Variants in ITPRIP observed in about 807,000 individuals in gnomAD.
The protein encoded by ITPRIP is inositol 1,4,5-trisphosphate receptor interacting protein.
A neutral mutation model predicts 35.8 loss-of-function variants in ITPRIP; 32 were observed. The ratio of observed to expected loss-of-function variants is 0.89; its 90% CI spans 0.68 to 1.20. The LOEUF is 1.20. Ranked by LOEUF, ITPRIP falls within the 50% of genes most tolerant of loss-of-function variation. The pLI is 0.00. For synonymous variants in ITPRIP, 358 were observed against 324.0 expected (o/e 1.11, Z -1.13); for missense variants, 653 against 735.6 (o/e 0.89, Z 1.30).
At chr10:104,329,137 G>T (rs937824772) in intron 1 of ITPRIP, among the ~76,000 whole-genome samples, 1 of 151,908 alleles carries the variant, frequency 6.6e-6, no homozygotes, top group Non-Finnish European at 1.5e-5. Context: ...CAATAAAGGG[G>T]AACAGTAACA....
intron 1 of ITPRIP, chr10:104,329,043 G>GCACA (rs66606338): frequency 0.052 from 7,788 of 149,040 alleles, 642 homozygotes; most frequent in African/African-American, 0.18. Context: ...CTGCACGCAT[G>GCACA]CACACACACA....
chr10:104,318,555 G>A lies in ITPRIP; in HGVS notation c.-13-2491C>T, dbSNP rs57987881. Among the ~76,000 whole-genome samples the A allele has an allele frequency of 1.4e-3, 215 of 152,308 alleles. 2 individuals carry two copies. The highest frequency in any genetic ancestry group is 4.9e-3 in the African/African-American group (204 of 41,578). On this transcript the variant is annotated intron_variant, in intron 1 of 1. Transcript: ENST00000337478. ...GGCTGGGAACCATCCCTGTGTCTAC[G>A]CCACACTTCATGGTGCTACTTGCTA...
intron 1 of ITPRIP, among the ~76,000 whole-genome samples, chr10:104,324,726 T>G (rs947991580): frequency 1.3e-5 from 2 of 152,076 alleles, no homozygotes; most frequent in Admixed American, 1.3e-4. Flanking sequence ...GGGGCTGCAG[T>G]GGACAGCTGA....
chr10:104,315,086 G>A lies in ITPRIP; in HGVS notation c.966C>T (p.Asp322=), dbSNP rs773326988. ...WKGIAHKYEF[D]LAFGQLDSPG... is the part of the protein sequence containing the mutation. ...GGCTGTCCAGCTGGCCAAAGGCCAG[G>A]TCGAACTCGTACTTGTGGGCGATGC... Residue 322 remains aspartate (D), a synonymous_variant, in exon 2 of 2, where the codon GAC becomes GAT. Transcript: ENST00000337478. The surrounding 1 kb of genome is among the most constrained non-coding windows in gnomAD (Gnocchi z 5.7). The A allele has an allele frequency of 1.9e-6, 3 of 1,614,196 alleles. No individual in the cohort carries two copies. Among genetic ancestry groups the A allele is most frequent in the Admixed American group, 3.3e-5 (2 of 60,032 alleles).
At chr10:104,318,114 A>G (rs888835085) in intron 1 of ITPRIP, among the ~76,000 whole-genome samples, 2 of 152,206 alleles carry the variant, frequency 1.3e-5, no homozygotes, top group Non-Finnish European at 2.9e-5. Flanking sequence ...GGGTGGGGTA[A>G]GGAAAAAGTG....
rs999480604 is a variant in ITPRIP at position 104,320,972 on chromosome 10, A to G, written c.-13-4908T>C. On this transcript the variant is annotated intron_variant, in intron 1 of 1. Transcript: ENST00000337478. ...GAATAAATCCCTTCAAATATTGTATAGAGTTGACTTGTCCACAAAAGGGAA... is the reference window on the plus strand; with the variant it reads ...GAATAAATCCCTTCAAATATTGTATGGAGTTGACTTGTCCACAAAAGGGAA... Among the ~76,000 whole-genome samples, 11 of 152,346 alleles carry G rather than the reference A, an allele frequency of 7.2e-5. 1 individual carries two copies. Among genetic ancestry groups the G allele is most frequent in the African/African-American group, 2.4e-4 (10 of 41,572 alleles).
intron 1 of ITPRIP, among the ~76,000 whole-genome samples, chr10:104,322,562 ATGTCTGAGAAC>A (rs1252043011): frequency 1.3e-5 from 2 of 152,178 alleles, no homozygotes; most frequent in East Asian, 3.9e-4. Context: ...ATGCCCGCTT[ATGTCTGAGAAC>A]CATCCCTTCC....
rs2135205839 is a variant in ITPRIP at position 104,328,194 on chromosome 10, G to A, written c.-14+10052C>T. 2.0e-6 allele frequency: 2 copies of A among 983,332 alleles called. No individual in the cohort carries two copies. Among genetic ancestry groups the A allele is most frequent in the African/African-American group, 1.7e-5 (1 of 57,288 alleles). 60.9% of individuals were successfully genotyped at this position (983,332 alleles called of 1,614,324 possible). On this transcript the variant is annotated intron_variant, in intron 1 of 1. Transcript: ENST00000337478. This position sits in a 1 kb window ranked among gnomAD's most constrained non-coding sequence, Gnocchi z 4.1. The stretch of plus-strand genomic sequence containing the variant: ...CTCAGCCTCCAGGATTCCCATCTCC[G>A]GTTTCTATGCGTGAATCACAGTGAC...
In ITPRIP at chr10:104,333,790, C is replaced by G. The variant is rs2014194217; in HGVS notation, c.-14+4456G>C. 1 of 152,314 alleles carries G rather than the reference C, an allele frequency of 6.6e-6. No individual in the cohort carries two copies. Among genetic ancestry groups the G allele is most frequent in the Non-Finnish European group, 1.5e-5 (1 of 68,126 alleles). 9.4% of individuals were successfully genotyped at this position (152,314 alleles called of 1,614,324 possible). A position where few individuals can be genotyped will look rare whatever the true frequency, so the allele number is the denominator to read the frequency against. Reference sequence around the variant, plus strand: ...TCTAGGACAGTCTAGGTCCCTACAGCCTTGTCCTTTGTCCAGACCTCAGAG... The same window carrying G: ...TCTAGGACAGTCTAGGTCCCTACAGGCTTGTCCTTTGTCCAGACCTCAGAG... On this transcript the variant is annotated intron_variant, in intron 1 of 1. Transcript: ENST00000337478. This position sits in a 1 kb window ranked among gnomAD's most constrained non-coding sequence, Gnocchi z 4.1.
intron 1 of ITPRIP, among the ~76,000 whole-genome samples, chr10:104,330,049 T>G (rs1192513888): frequency 6.6e-6 from 1 of 152,122 alleles, no homozygotes; most frequent in African/African-American, 2.4e-5. Flanking sequence ...GAGGAGGAAG[T>G]TTGGAGACCT....
At position 104,314,721 on chromosome 10, in the gene ITPRIP, C is replaced by G. The variant is rs563441618; in HGVS notation, c.1331G>C (p.Arg444Pro). The G allele has an allele frequency of 1.9e-6, 3 of 1,613,730 alleles. No homozygotes were observed. The highest frequency in any genetic ancestry group is 1.3e-5 in the African/African-American group (1 of 75,040). The change falls in exon 2 of 2, where the codon CGG becomes CCG. Residue 444 changes from arginine to proline, a missense_variant. Transcript: ENST00000337478. ...CCCCGCCTTCCAGTCGGCGGCCTGC[C>G]GGAGGAGTAGGAGGTGCAGTAGGGC... The part of the protein sequence containing the change: ...KTALLHLLLL[R>P]QAADWKAGQL...
chr10:104,315,174 A>C lies in ITPRIP; in HGVS notation c.878T>G (p.Leu293Arg). The C allele has an allele frequency of 6.2e-7, 1 of 1,614,132 alleles. No homozygotes were observed. The highest frequency in any genetic ancestry group is 8.5e-7 in the Non-Finnish European group (1 of 1,179,996). The change falls in exon 2 of 2, where the codon CTG becomes CGG. Residue 293 changes from leucine (L) to arginine (R), a missense_variant. Leu to Arg is a moderately radical substitution (Grantham distance 102). Coordinates refer to ENST00000337478, the MANE Select transcript of ITPRIP (RefSeq NM_001272013.2). This position sits in a 1 kb window ranked among gnomAD's most constrained non-coding sequence, Gnocchi z 5.7. ...MENLLCATDS[L>R]YLDTMQVMKW... is the part of the protein sequence containing the mutation. ...CATGACCTGCATCGTGTCCAGGTAC[A>C]GGGAATCTGTGGCACACAGCAGGTT...
chr10:104,323,421 G>A (rs2013906637), intron 1 of ITPRIP: 1 of 152,398 alleles, frequency 6.6e-6, no homozygotes, highest in African/African-American at 2.4e-5. Flanking sequence ...GGCTGAATGT[G>A]AGCAGCACCT....
chr10:104,321,703 C>CTT (rs111255254), intron 1 of ITPRIP, among the ~76,000 whole-genome samples: 8 of 137,356 alleles, frequency 5.8e-5, no homozygotes, highest in South Asian at 2.4e-4. Flanking sequence ...CTTTTCTTTT[C>CTT]TTTTTTTTTT....
intron 1 of ITPRIP, among the ~76,000 whole-genome samples, chr10:104,329,297 T>C (rs1224189201): frequency 6.6e-6 from 1 of 151,886 alleles, no homozygotes; most frequent in Non-Finnish European, 1.5e-5. Flanking sequence ...CCAGTCCTCC[T>C]CCTCTCTGGA....
Position 104,316,093 on chromosome 10 carries a change from C to G in ITPRIP, c.-13-29G>C, listed in dbSNP as rs764006479. The G allele has an allele frequency of 2.0e-6, 3 of 1,507,190 alleles. No individual in the cohort carries two copies. The Admixed American group carries it at 6.3e-5, about 32-fold the overall frequency. The allele number at this position is 1,507,190 out of a possible 1,614,324, so 93.4% of individuals were successfully genotyped here. A position where few individuals can be genotyped will look rare whatever the true frequency, so the allele number is the denominator to read the frequency against. On this transcript the variant is annotated intron_variant, in intron 1 of 1. Coordinates refer to ENST00000337478, the MANE Select transcript of ITPRIP (RefSeq NM_001272013.2). Reference sequence around the variant, plus strand: ...GGAACAGAGAGACAGATGGTCACACCAAGCTTCCCTCAATGCCACTTCGTC... The same window carrying G: ...GGAACAGAGAGACAGATGGTCACACGAAGCTTCCCTCAATGCCACTTCGTC...
rs1002750873 is a variant in ITPRIP at position 104,326,034 on chromosome 10, CT to C, written c.-13-9971del. On this transcript the variant is annotated intron_variant, in intron 1 of 1. Coordinates refer to ENST00000337478, the MANE Select transcript of ITPRIP (RefSeq NM_001272013.2). This position sits in a 1 kb window ranked among gnomAD's most constrained non-coding sequence, Gnocchi z 4.8. The stretch of plus-strand genomic sequence containing the variant: ...GAAGTACACGCGGGGCAGAAGCTGC[CT>C]TTTTTTGCTCCAGCGAGCCTCTGTT... 2.0e-5 allele frequency among the ~76,000 whole-genome samples: 3 copies of C among 152,132 alleles called. No individual in the cohort carries two copies. The highest frequency in any genetic ancestry group is 2.9e-5 in the Non-Finnish European group (2 of 68,016).
chr10:104,332,606 C>G (rs368732378), intron 1 of ITPRIP, among the ~76,000 whole-genome samples: 6 of 152,290 alleles, frequency 3.9e-5, no homozygotes, highest in African/African-American at 1.2e-4. Context: ...CAGGCATCAC[C>G]TGATAAGATG....
At chr10:104,321,183 C>T (rs1373955973) in intron 1 of ITPRIP, among the ~76,000 whole-genome samples, 2 of 152,184 alleles carry the variant, frequency 1.3e-5, no homozygotes, top group Admixed American at 1.3e-4. Flanking sequence ...CTCTACCAGG[C>T]TCTCCCGCAC....
Sources: gnomAD v4.1 joint callset for allele counts (sites outside exome capture counted in the v4.1 genomes callset) on GRCh38, gnomAD v4.1.1 for gene constraint, Gnocchi (gnomAD v3.1) non-coding constraint, MANE v1.5 for transcripts, NCBI Gene and HGNC (gene_info 2026-07-23, HGNC 2026-07-21) for gene names.